Variants in SMYD3 observed in about 807,000 individuals in gnomAD.
The protein encoded by SMYD3 is histone-lysine N-methyltransferase SMYD3.
Under a neutral mutation model 57.7 loss-of-function variants are expected in SMYD3, and 36 were observed. That is an observed-to-expected ratio of 0.62 (90% confidence interval 0.48 to 0.82). The LOEUF (loss-of-function observed/expected upper bound fraction) is 0.82, where lower values mean the gene tolerates loss of function less well. Among genes scored for constraint, SMYD3 ranks in the 40% least tolerant of loss-of-function variants. The pLI is 0.00. For missense variants in SMYD3, 515 were observed against 538.8 expected (o/e 0.96, Z 0.44); for synonymous variants, 211 against 195.0 (o/e 1.08, Z -0.68).
At chr1:245,818,357 C>T (rs918311528) in intron 10 of SMYD3, among the ~76,000 whole-genome samples, 1 of 151,950 alleles carries the variant, frequency 6.6e-6, no homozygotes, top group African/African-American at 2.4e-5. Context: ...GAGATTTTGT[C>T]ACCACCAGGC....
intron 5 of SMYD3, among the ~76,000 whole-genome samples, chr1:246,268,793 T>C (rs2064160298): frequency 6.6e-6 from 1 of 151,930 alleles, no homozygotes; most frequent in Non-Finnish European, 1.5e-5. Context: ...GTCTATGGAG[T>C]AGCCGTTCTT....
intron 8 of SMYD3, among the ~76,000 whole-genome samples, chr1:245,903,845 T>G (rs2054362627): frequency 6.6e-6 from 1 of 152,202 alleles, no homozygotes; most frequent in Non-Finnish European, 1.5e-5. Context: ...AGGGGGGCCC[T>G]GGACCCTGCC....
At chr1:246,042,844 C>G (rs1375460329) in intron 5 of SMYD3, among the ~76,000 whole-genome samples, 1 of 152,126 alleles carries the variant, frequency 6.6e-6, no homozygotes, top group Non-Finnish European at 1.5e-5. Context: ...AAAGCTTTGA[C>G]CACACATTCT....
chr1:246,173,710 G>A (rs747469679), intron 5 of SMYD3, among the ~76,000 whole-genome samples: 17 of 152,128 alleles, frequency 1.1e-4, no homozygotes, highest in Non-Finnish European at 2.2e-4. Flanking sequence ...AGTATTCAGG[G>A]TCAATAAAGG....
intron 8 of SMYD3, among the ~76,000 whole-genome samples, chr1:245,869,412 C>T (rs1235498555): frequency 6.6e-6 from 1 of 152,194 alleles, no homozygotes. Context: ...CCTTCCTCAC[C>T]TGCAGAAGGA....
chr1:246,298,630 A>C (rs907362148), intron 5 of SMYD3, among the ~76,000 whole-genome samples: 6 of 152,162 alleles, frequency 3.9e-5, no homozygotes, highest in African/African-American at 1.4e-4. Context: ...TTTAAAAATA[A>C]GATTGTACCA....
At chr1:245,902,044 C>A (rs566608073) in intron 8 of SMYD3, among the ~76,000 whole-genome samples, 1 of 152,140 alleles carries the variant, frequency 6.6e-6, no homozygotes. Context: ...AAGAGCCCAG[C>A]AACAACCAGA....
intron 2 of SMYD3, among the ~76,000 whole-genome samples, chr1:246,352,040 G>C (rs888160793): frequency 1.3e-5 from 2 of 149,074 alleles, no homozygotes; most frequent in Non-Finnish European, 3.0e-5. Flanking sequence ...GGGAGGCTGA[G>C]GCCCAAGAAT....
intron 5 of SMYD3, among the ~76,000 whole-genome samples, chr1:246,291,036 TA>T (rs35794397): frequency 0.28 from 40,976 of 147,998 alleles, 6,115 homozygotes; most frequent in East Asian, 0.52. Flanking sequence ...TTAAGCGTGA[TA>T]AAAAAAAAAA....
chr1:245,902,837 T>C (rs1045866698), intron 8 of SMYD3, among the ~76,000 whole-genome samples: 1 of 152,154 alleles, frequency 6.6e-6, no homozygotes, highest in Non-Finnish European at 1.5e-5. Flanking sequence ...ACTGTAAATA[T>C]ATCTACATGA....
intron 5 of SMYD3, among the ~76,000 whole-genome samples, chr1:246,036,413 C>T (rs140196332): frequency 1.3e-5 from 2 of 152,310 alleles, no homozygotes; most frequent in East Asian, 3.9e-4. Context: ...CCAATTTCAT[C>T]ATTTCTTGGG....
intron 10 of SMYD3, among the ~76,000 whole-genome samples, chr1:245,775,204 T>C (rs1188112294): frequency 7.9e-5 from 12 of 152,156 alleles, no homozygotes; most frequent in Non-Finnish European, 1.5e-4. Context: ...CCAGCCGCCC[T>C]GTCCGGGAGG....
chr1:246,396,305 T>C (rs140639441), intron 1 of SMYD3, among the ~76,000 whole-genome samples: 32 of 152,328 alleles, frequency 2.1e-4, no homozygotes, highest in African/African-American at 7.0e-4. Flanking sequence ...TTGGAAATTT[T>C]AGTGTTAGCT....
At chr1:246,364,592 A>C (rs2066067368) in intron 1 of SMYD3, among the ~76,000 whole-genome samples, 1 of 152,240 alleles carries the variant, frequency 6.6e-6, no homozygotes, top group South Asian at 2.1e-4. Context: ...GGCAGGTGAT[A>C]CTGAAAGGAT....
chr1:245,896,380 T>C (rs2053783908), intron 8 of SMYD3, among the ~76,000 whole-genome samples: 2 of 35,614 alleles, frequency 5.6e-5, no homozygotes, highest in Admixed American at 7.9e-4. Flanking sequence ...AAAAATAGCT[T>C]TGCCAAGTCA....
intron 8 of SMYD3, among the ~76,000 whole-genome samples, chr1:245,867,460 T>C (rs1398751446): frequency 1.3e-5 from 2 of 151,066 alleles, no homozygotes; most frequent in African/African-American, 4.8e-5. Flanking sequence ...TGGGGCTCTT[T>C]GTGCCTGGCC....
intron 1 of SMYD3, among the ~76,000 whole-genome samples, chr1:246,453,250 C>T (rs760149453): frequency 6.6e-5 from 10 of 152,176 alleles, no homozygotes; most frequent in Non-Finnish European, 1.3e-4. Flanking sequence ...GTTCCAGAGC[C>T]GGTGCTTCTC....
At chr1:246,234,637 T>A (rs1322019934) in intron 5 of SMYD3, among the ~76,000 whole-genome samples, 3 of 86,244 alleles carry the variant, frequency 3.5e-5, no homozygotes, top group Non-Finnish European at 6.8e-5. Flanking sequence ...GGCCTATCCA[T>A]GCCACTATGT....
Position 246,491,923 on chromosome 1 carries a change from C to T in SMYD3, c.164+15131G>A, listed in dbSNP as rs1020054708. ...AGACCACTCTGTAATCATGTCTGAA[C>T]GCAACTCTGTTCAACTACCGATGTG... On this transcript the variant is annotated intron_variant, in intron 1 of 11. Coordinates refer to ENST00000490107, the MANE Select transcript of SMYD3 (RefSeq NM_001167740.2). 3.9e-5 allele frequency among the ~76,000 whole-genome samples: 6 copies of T among 152,318 alleles called. No individual in the cohort carries two copies. In the South Asian group the frequency reaches 1.0e-3, roughly 26 times the overall value.
Sources: allele counts gnomAD v4.1 joint callset (sites outside exome capture counted in the v4.1 genomes callset), GRCh38; gene constraint gnomAD v4.1.1; transcripts MANE v1.5; gene names NCBI Gene and HGNC (gene_info 2026-07-23, HGNC 2026-07-21).